IDO2: variants seen among roughly 807,000 people sequenced by gnomAD.
IDO2 encodes the protein indoleamine 2,3-dioxygenase-like 1 protein.
In IDO2, 46 loss-of-function variants were observed where a neutral mutation model predicts 45.1. The ratio of observed to expected loss-of-function variants is 1.02; its 90% CI spans 0.80 to 1.30. IDO2 has a LOEUF of 1.30. Among genes scored for constraint, IDO2 ranks in the 50% most tolerant of loss-of-function variants. The pLI, the probability that IDO2 is intolerant of heterozygous loss-of-function variation, is 0.00. For synonymous variants in IDO2, 218 were observed against 184.9 expected, an observed-to-expected ratio of 1.18 and a Z score of -1.45; for missense variants, 544 against 491.8, an observed-to-expected ratio of 1.11 and a Z score of -1.00.
At chr8:40,008,993 G>T (rs927376322) in intron 9 of IDO2, among the ~76,000 whole-genome samples, 7 of 147,372 alleles carry the variant, frequency 4.7e-5, no homozygotes, top group African/African-American at 1.5e-4. Context: ...TCCTATTTTT[G>T]ATTTATTATT....
At chr8:39,952,139 T>C (rs771169822) in intron 2 of IDO2, among the ~76,000 whole-genome samples, 3 of 152,160 alleles carry the variant, frequency 2.0e-5, no homozygotes, top group Non-Finnish European at 4.4e-5. Flanking sequence ...CAGACGGACA[T>C]TTTCATCAAA....
intron 3 of IDO2, among the ~76,000 whole-genome samples, chr8:39,971,008 C>T (rs922873917): frequency 3.9e-5 from 6 of 152,220 alleles, no homozygotes; most frequent in African/African-American, 1.2e-4. Context: ...TCGTGATCCA[C>T]CCCCCTTGGC....
intron 10 of IDO2, among the ~76,000 whole-genome samples, chr8:40,014,654 T>C (rs540111025): frequency 1.3e-5 from 2 of 152,318 alleles, no homozygotes; most frequent in East Asian, 3.9e-4. Context: ...TTTACATTTG[T>C]TGTGTAGTAA....
intron 9 of IDO2, among the ~76,000 whole-genome samples, chr8:40,006,240 C>G (rs1172854405): frequency 6.6e-6 from 1 of 151,282 alleles, no homozygotes; most frequent in Non-Finnish European, 1.5e-5. Flanking sequence ...ACCCATACAA[C>G]CATTCTGTTT....
chr8:39,950,330 A>G (rs933594617), intron 2 of IDO2, among the ~76,000 whole-genome samples: 5 of 152,110 alleles, frequency 3.3e-5, no homozygotes, highest in African/African-American at 1.2e-4. Context: ...TCAGGAGTTC[A>G]AGACCAGGTT....
chr8:39,943,508 C>G (rs1009289394), intron 1 of IDO2, among the ~76,000 whole-genome samples: 1 of 152,038 alleles, frequency 6.6e-6, no homozygotes, highest in South Asian at 2.1e-4. Context: ...GAGGCCGAGG[C>G]GGGCAGATCG....
chr8:39,955,000 A>G (rs965839567), intron 2 of IDO2, among the ~76,000 whole-genome samples: 4 of 151,232 alleles, frequency 2.6e-5, no homozygotes, highest in Admixed American at 1.3e-4. Flanking sequence ...CTTTAGGGAC[A>G]CCAATCAGAT....
rs765379490 is a variant in IDO2 at position 40,005,331 on chromosome 8, T to C, written c.672T>C (p.Tyr224=). The C allele has an allele frequency of 8.9e-6, 14 of 1,576,722 alleles. No individual in the cohort carries two copies. In the African/African-American group the frequency reaches 1.7e-4, roughly 20 times the overall value. Residue 224 remains tyrosine, a synonymous_variant, in exon 9 of 11, where the codon TAT becomes TAC. Transcript: ENST00000502986. Reference sequence around the variant, plus strand: ...ACATTTTGATTGCTTCTCCAGATTATGTAGATCCAGACATATTTTATGCAG... The same window carrying C: ...ACATTTTGATTGCTTCTCCAGATTACGTAGATCCAGACATATTTTATGCAG...
intron 1 of IDO2, among the ~76,000 whole-genome samples, chr8:39,944,837 G>T (rs62513111): frequency 6.6e-6 from 1 of 152,030 alleles, no homozygotes; most frequent in African/African-American, 2.4e-5. Flanking sequence ...AGCGATAGCC[G>T]TCTCTCGGTC....
chr8:39,982,694 A>C, exon 5 of IDO2: 1 of 1,612,046 alleles, frequency 6.2e-7, no homozygotes. Context: ...CGAAGTCTCC[A>C]GGAACTTGGG....
chr8:39,982,692 C>A, exon 5 of IDO2: 1 of 1,611,838 alleles, frequency 6.2e-7, no homozygotes, highest in Non-Finnish European at 8.5e-7. Flanking sequence ...GTCGAAGTCT[C>A]CAGGAACTTG....
Position 39,971,127 on chromosome 8 carries a change from T to C in IDO2, c.195+7424T>C. Among the ~76,000 whole-genome samples the C allele has an allele frequency of 1.3e-5, 2 of 152,156 alleles. 1 individual carries two copies. Among genetic ancestry groups the C allele is most frequent in the Non-Finnish European group, 2.9e-5 (2 of 68,030 alleles). On this transcript the variant is annotated intron_variant, in intron 3 of 10. Transcript: ENST00000502986. ...TGAAAGGACAGGCTGACTCTCTTGT[T>C]AGGGGCTAGTGCAGCTGGTGACTTT...
rs560701636 is a variant in IDO2 at position 39,960,932 on chromosome 8, G to A, written c.100-2676G>A. 9.9e-5 allele frequency among the ~76,000 whole-genome samples: 15 copies of A among 151,252 alleles called. 1 individual carries two copies. Among genetic ancestry groups the A allele is most frequent in the African/African-American group, 2.9e-4 (12 of 41,380 alleles). On this transcript the variant is annotated intron_variant, in intron 2 of 10. Coordinates refer to ENST00000502986, the Ensembl canonical transcript of IDO2. ...CGAGTAGCTGGGACTACAGGTGCCCGCCAACACGCCCAGCTAATTTTTTTG... is the reference window on the plus strand; with the variant it reads ...CGAGTAGCTGGGACTACAGGTGCCCACCAACACGCCCAGCTAATTTTTTTG...
chr8:39,954,738 CT>C (rs1807865166), intron 2 of IDO2, among the ~76,000 whole-genome samples: 1 of 148,826 alleles, frequency 6.7e-6, no homozygotes. Flanking sequence ...TCACTGCAAC[CT>C]TTGCCTCCCG....
At chr8:39,990,328 T>C (rs1432258038) in intron 8 of IDO2, among the ~76,000 whole-genome samples, 1 of 152,210 alleles carries the variant, frequency 6.6e-6, no homozygotes, top group African/African-American at 2.4e-5. Flanking sequence ...GGCAGGCTGA[T>C]TTGTCAAAGG....
At chr8:39,953,978 C>G (rs187853716) in intron 2 of IDO2, among the ~76,000 whole-genome samples, 1 of 152,278 alleles carries the variant, frequency 6.6e-6, no homozygotes, top group East Asian at 1.9e-4. Context: ...GCCATCTAAC[C>G]GAATGCCATT....
At chr8:39,960,612 C>G (rs1164410390) in intron 2 of IDO2, among the ~76,000 whole-genome samples, 1 of 152,110 alleles carries the variant, frequency 6.6e-6, no homozygotes, top group Non-Finnish European at 1.5e-5. Context: ...CTTCTATGAC[C>G]CTGACCTAAA....
chr8:39,960,883 T>G (rs1437094016), intron 2 of IDO2, among the ~76,000 whole-genome samples: 1 of 152,004 alleles, frequency 6.6e-6, no homozygotes, highest in African/African-American at 2.4e-5. Flanking sequence ...CCCGGGTTCA[T>G]GCCATTCTCC....
intron 3 of IDO2, among the ~76,000 whole-genome samples, chr8:39,975,737 A>G (rs912971500): frequency 2.6e-5 from 4 of 152,162 alleles, no homozygotes; most frequent in Non-Finnish European, 2.9e-5. Flanking sequence ...TATAAATCCT[A>G]TTAAGAACTT....
Sources: allele counts gnomAD v4.1 joint callset (sites outside exome capture counted in the v4.1 genomes callset), GRCh38; gene constraint gnomAD v4.1.1; transcripts MANE v1.5; gene names NCBI Gene and HGNC (gene_info 2026-07-23, HGNC 2026-07-21).